VEGFC: variants seen among roughly 807,000 people sequenced by gnomAD.
The protein encoded by VEGFC is FLT4 ligand DHM.
Under a neutral mutation model 46.1 loss-of-function variants are expected in VEGFC, and 12 were observed. The observed-to-expected ratio is 0.26, with a 90% CI of 0.17 to 0.42. The LOEUF (loss-of-function observed/expected upper bound fraction) is 0.42. Ranked by LOEUF, VEGFC falls within the 10% of genes least tolerant of loss-of-function variation. The pLI is 1.00. For missense variants in VEGFC, 488 were observed against 529.4 expected (o/e 0.92, Z 0.77); for synonymous variants, 232 against 195.5 (o/e 1.19, Z -1.56).
chr4:176,692,605 C>G (rs887655829), intron 4 of VEGFC, among the ~76,000 whole-genome samples: 4 of 136,660 alleles, frequency 2.9e-5, no homozygotes, highest in East Asian at 2.0e-4. Context: ...CCGGGAAGCT[C>G]GAACTGGGTG....
At chr4:176,764,069 A>G (rs745377785) in intron 1 of VEGFC, among the ~76,000 whole-genome samples, 2 of 152,196 alleles carry the variant, frequency 1.3e-5, no homozygotes, top group Non-Finnish European at 2.9e-5. Context: ...CAATGTTCCC[A>G]CTGAGAACAA....
At chr4:176,727,651 G>A in intron 3 of VEGFC, 127 bp downstream of exon 3, 1 of 776,508 alleles carries the variant, frequency 1.3e-6, no homozygotes, top group Non-Finnish European at 1.7e-6. Context: ...TTCCCCTAAA[G>A]AAAATATGAG....
chr4:176,773,185 A>G (rs1032029298), intron 1 of VEGFC, among the ~76,000 whole-genome samples: 5 of 152,186 alleles, frequency 3.3e-5, no homozygotes, highest in African/African-American at 1.2e-4. Context: ...GAAATCAGAC[A>G]TAAAGCTGCA....
intron 1 of VEGFC, among the ~76,000 whole-genome samples, chr4:176,757,652 C>A (rs549246013): frequency 1.3e-5 from 2 of 151,682 alleles, no homozygotes; most frequent in Admixed American, 1.3e-4. Context: ...TTATTCACCA[C>A]CTTGGGTTTA....
intron 1 of VEGFC, among the ~76,000 whole-genome samples, chr4:176,750,541 A>G (rs1336182773): frequency 1.3e-5 from 2 of 151,826 alleles, no homozygotes; most frequent in Non-Finnish European, 3.0e-5. Context: ...CTGAGAAGCC[A>G]TTTCAATTAT....
At position 176,768,702 on chromosome 4, in the gene VEGFC, C is replaced by A. The variant is rs927351993; in HGVS notation, c.147+23463G>T. On this transcript the variant is annotated intron_variant, in intron 1 of 6. Transcript: ENST00000618562. ...TTATCTGGCTATATACCCCAGGAGA[C>A]AATATTCCTCTGCCTTAATTTCCCA... 2.0e-5 allele frequency among the ~76,000 whole-genome samples: 3 copies of A among 151,642 alleles called. No individual in the cohort carries two copies. The South Asian group carries it at 6.2e-4, about 32-fold the overall frequency.
Position 176,741,083 on chromosome 4 carries a change from T to A in VEGFC, c.148-11337A>T, listed in dbSNP as rs149528345. 2.4e-3 allele frequency among the ~76,000 whole-genome samples: 367 copies of A among 152,058 alleles called. 2 individuals carry two copies. The highest frequency in any genetic ancestry group is 8.5e-3 in the African/African-American group (352 of 41,484). ...TTCATTGTCCAATATCTCTTATGTA[T>A]TGTTTGTTGCCACATGGAAGAGTCC... is the stretch of plus-strand genomic sequence containing the variant. On this transcript the variant is annotated intron_variant, in intron 1 of 6. Transcript: ENST00000618562.
chr4:176,737,798 T>C (rs1735081464), intron 1 of VEGFC, among the ~76,000 whole-genome samples: 1 of 151,864 alleles, frequency 6.6e-6, no homozygotes, highest in African/African-American at 2.4e-5. Context: ...AAATTGGGTT[T>C]AAAATATATT....
At chr4:176,791,276 G>A (rs1736084891) in intron 1 of VEGFC, among the ~76,000 whole-genome samples, 2 of 152,048 alleles carry the variant, frequency 1.3e-5, no homozygotes, top group Non-Finnish European at 2.9e-5. Flanking sequence ...AACTTCTTTA[G>A]GAACTCTCTT....
At chr4:176,767,143 A>AAAC (rs1735641863) in intron 1 of VEGFC, among the ~76,000 whole-genome samples, 1 of 149,854 alleles carries the variant, frequency 6.7e-6, no homozygotes, top group Non-Finnish European at 1.5e-5. Context: ...AAAAAAAAAA[A>AAAC]ACAACCAAAA....
chr4:176,759,662 C>A (rs1325326387), intron 1 of VEGFC, among the ~76,000 whole-genome samples: 2 of 151,846 alleles, frequency 1.3e-5, no homozygotes, highest in Non-Finnish European at 2.9e-5. Flanking sequence ...TTAATCATTC[C>A]ACAATGTACT....
chr4:176,779,131 C>T (rs1022513100), intron 1 of VEGFC, among the ~76,000 whole-genome samples: 1 of 152,008 alleles, frequency 6.6e-6, no homozygotes, highest in African/African-American at 2.4e-5. Flanking sequence ...TCAAAGCTAT[C>T]CTAATATAAT....
Position 176,792,334 on chromosome 4 carries a change from G to T in VEGFC, c.-23C>A. On this transcript the variant is annotated 5_prime_UTR_variant, in exon 1 of 7. Coordinates refer to ENST00000618562, the MANE Select transcript of VEGFC (RefSeq NM_005429.5). The surrounding 1 kb of genome is among the most constrained non-coding windows in gnomAD (Gnocchi z 6.3). ...CATGGTGGAAGGACCGGGGGTGGGG[G>T]ACCGGTCCGCTGGCGGGGGCAGGGG... The T allele has an allele frequency of 2.1e-6, 3 of 1,446,174 alleles. No individual in the cohort carries two copies. The highest frequency in any genetic ancestry group is 1.4e-5 in the South Asian group (1 of 73,664). 89.6% of individuals were successfully genotyped at this position (1,446,174 alleles called of 1,614,324 possible).
chr4:176,711,952 A>T (rs1373658429), intron 3 of VEGFC, among the ~76,000 whole-genome samples: 1 of 152,148 alleles, frequency 6.6e-6, no homozygotes. Flanking sequence ...TGTGTTCAAG[A>T]AAAAAGAACT....
chr4:176,742,399 C>A (rs1270847096), intron 1 of VEGFC, among the ~76,000 whole-genome samples: 1 of 151,920 alleles, frequency 6.6e-6, no homozygotes, highest in Non-Finnish European at 1.5e-5. Flanking sequence ...AACATGAGTG[C>A]AGATGTCTGT....
intron 4 of VEGFC, among the ~76,000 whole-genome samples, chr4:176,696,771 TG>T (rs1460355034): frequency 6.6e-6 from 1 of 152,170 alleles, no homozygotes; most frequent in Non-Finnish European, 1.5e-5. Context: ...AGCATGGTAC[TG>T]GTTCAAAACA....
intron 1 of VEGFC, among the ~76,000 whole-genome samples, chr4:176,733,185 C>T (rs1734996491): frequency 6.6e-6 from 1 of 151,878 alleles, no homozygotes; most frequent in South Asian, 2.1e-4. Context: ...TCTGTACAGC[C>T]ACTTTGCAAA....
At chr4:176,685,795 C>A (rs555746739) in intron 6 of VEGFC, among the ~76,000 whole-genome samples, 1 of 151,892 alleles carries the variant, frequency 6.6e-6, no homozygotes, top group African/African-American at 2.4e-5. Flanking sequence ...AAAATTATAC[C>A]TATGATGTAC....
intron 4 of VEGFC, among the ~76,000 whole-genome samples, chr4:176,701,699 T>C (rs527521471): frequency 5.5e-4 from 84 of 152,274 alleles, no homozygotes; most frequent in African/African-American, 1.8e-3. Flanking sequence ...ATGAGCTTTA[T>C]AGGAAAGGGG....
Sources: gnomAD v4.1 joint callset for allele counts (sites outside exome capture counted in the v4.1 genomes callset) on GRCh38, gnomAD v4.1.1 for gene constraint, Gnocchi (gnomAD v3.1) non-coding constraint, MANE v1.5 for transcripts, NCBI Gene and HGNC (gene_info 2026-07-23, HGNC 2026-07-21) for gene names.